The following SKIC3 variants were observed in gnomAD, a reference collection of about 807,000 sequenced individuals.
SKIC3 encodes the protein superkiller complex protein 3.
the SKIC3 span, chr5:95,522,218 G>C: frequency 1.2e-6 from 2 of 1,613,852 alleles, no homozygotes; most frequent in Non-Finnish European, 1.7e-6. Context: ...CTTCAAGGCT[G>C]TTGTGTAGCC....
the SKIC3 span, among the ~76,000 whole-genome samples, chr5:95,505,473 A>C: frequency 6.6e-6 from 1 of 152,198 alleles, no homozygotes; most frequent in African/African-American, 2.4e-5. Flanking sequence ...GAACTACAGA[A>C]GGGAATGTGG....
At chr5:95,532,013 TA>T in the SKIC3 span, among the ~76,000 whole-genome samples, 8 of 150,890 alleles carry the variant, frequency 5.3e-5, no homozygotes, top group African/African-American at 9.7e-5. Context: ...TTCACCATCC[TA>T]AAAAAAAATA....
At chr5:95,508,176 G>T in the SKIC3 span, among the ~76,000 whole-genome samples, 1 of 152,128 alleles carries the variant, frequency 6.6e-6, no homozygotes, top group Non-Finnish European at 1.5e-5. Flanking sequence ...GAACTACGGA[G>T]AGATCCATAA....
the SKIC3 span, chr5:95,503,990 T>C: frequency 1.3e-6 from 2 of 1,577,350 alleles, no homozygotes; most frequent in Non-Finnish European, 1.7e-6. Flanking sequence ...TTCTGGTGTG[T>C]ATCATCAAAA....
At chr5:95,511,907 G>A in the SKIC3 span, among the ~76,000 whole-genome samples, 849 of 152,212 alleles carry the variant, frequency 5.6e-3, 2 homozygotes, top group Non-Finnish European at 9.5e-3. Flanking sequence ...TAAAAAAGAC[G>A]GAATTATTAC....
the SKIC3 span, among the ~76,000 whole-genome samples, chr5:95,550,063 C>G: frequency 1.3e-5 from 2 of 152,020 alleles, no homozygotes; most frequent in African/African-American, 4.8e-5. Flanking sequence ...TCCCACTATT[C>G]TCCTCAATCT....
the SKIC3 span, chr5:95,497,337 T>C: frequency 3.3e-6 from 4 of 1,226,792 alleles, no homozygotes; most frequent in Admixed American, 7.8e-5. Flanking sequence ...AGAAGAATAA[T>C]GCCATAGTTT....
the SKIC3 span, chr5:95,468,001 A>T: frequency 6.2e-7 from 1 of 1,613,010 alleles, no homozygotes; most frequent in Non-Finnish European, 8.5e-7. Context: ...TGGAAAAAAA[A>T]AATTTACATT....
the SKIC3 span, among the ~76,000 whole-genome samples, chr5:95,511,887 G>A: frequency 6.6e-6 from 1 of 152,128 alleles, no homozygotes; most frequent in African/African-American, 2.4e-5. Flanking sequence ...AAACCCAATG[G>A]TAGTTTTATT....
chr5:95,553,777 T>C, the SKIC3 span, among the ~76,000 whole-genome samples: 1 of 152,244 alleles, frequency 6.6e-6, no homozygotes, highest in Non-Finnish European at 1.5e-5. Context: ...CAGGCTGGTC[T>C]CGAACCCCTA....
At chr5:95,504,055 T>G in the SKIC3 span, 1 of 623,432 alleles carries the variant, frequency 1.6e-6, no homozygotes, top group Non-Finnish European at 2.3e-6. Context: ...ACATCTGTAA[T>G]CCCAGCACTT....
the SKIC3 span, chr5:95,516,794 G>A: frequency 1.3e-6 from 2 of 1,595,990 alleles, no homozygotes; most frequent in Non-Finnish European, 1.7e-6. Context: ...TCTTGGAATA[G>A]CAGCATGTAT....
At chr5:95,494,923 T>C in the SKIC3 span, 3 of 1,604,180 alleles carry the variant, frequency 1.9e-6, no homozygotes, top group Admixed American at 3.3e-5. Flanking sequence ...TCAATATTAT[T>C]TAATAAATTC....
At chr5:95,535,428 A>G in the SKIC3 span, among the ~76,000 whole-genome samples, 8 of 147,540 alleles carry the variant, frequency 5.4e-5, no homozygotes, top group African/African-American at 2.0e-4. Flanking sequence ...CTCCTGCCTC[A>G]GCCTCCTGAG....
the SKIC3 span, among the ~76,000 whole-genome samples, chr5:95,485,791 AG>A: frequency 6.6e-6 from 1 of 152,202 alleles, no homozygotes; most frequent in East Asian, 1.9e-4. Context: ...GTCCATGGAA[AG>A]GAACCAAATA....
At chr5:95,523,383 G>C in the SKIC3 span, 1 of 1,536,754 alleles carries the variant, frequency 6.5e-7, no homozygotes, top group Non-Finnish European at 8.9e-7. Flanking sequence ...AAGACAGAAC[G>C]CTCATGTAAA....
the SKIC3 span, chr5:95,497,521 A>G: frequency 6.4e-7 from 1 of 1,558,938 alleles, no homozygotes. Flanking sequence ...GCTTAGGGAC[A>G]AGTTACTTTA....
chr5:95,496,806 C>T, the SKIC3 span, among the ~76,000 whole-genome samples: 7 of 152,016 alleles, frequency 4.6e-5, no homozygotes, highest in African/African-American at 1.2e-4. Context: ...AATTATTAGT[C>T]GTGGCAAGTG....
At chr5:95,487,300 C>CAT in the SKIC3 span, among the ~76,000 whole-genome samples, 1 of 152,052 alleles carries the variant, frequency 6.6e-6, no homozygotes, top group Non-Finnish European at 1.5e-5. Context: ...ATGAACTCCC[C>CAT]ATATATATAT....
Sources: gnomAD v4.1 joint callset for allele counts (sites outside exome capture counted in the v4.1 genomes callset) on GRCh38, gnomAD v4.1.1 for gene constraint, MANE v1.5 for transcripts, NCBI Gene and HGNC (gene_info 2026-07-23, HGNC 2026-07-21) for gene names.